COPS7B: variants seen among roughly 807,000 people sequenced by gnomAD.
The protein encoded by COPS7B is COP9 signalosome subunit 7B, also known as COP9 signalosome complex subunit 7b.
Under a neutral mutation model 33.4 loss-of-function variants are expected in COPS7B, and 9 were observed. The ratio of observed to expected loss-of-function variants is 0.27; its 90% confidence interval spans 0.16 to 0.47. COPS7B has a LOEUF of 0.47. Among genes scored for constraint, COPS7B ranks in the 20% least tolerant of loss-of-function variants. The pLI is 0.99. For missense variants in COPS7B, 242 were observed against 318.2 expected, an observed-to-expected ratio of 0.76 and a Z score of 1.82; for synonymous variants, 119 against 126.3, an observed-to-expected ratio of 0.94 and a Z score of 0.39.
At chr2:231,795,309 C>CATCTCA (rs2049536353) in intron 4 of COPS7B, among the ~76,000 whole-genome samples, 2 of 152,104 alleles carry the variant, frequency 1.3e-5, no homozygotes, top group South Asian at 4.1e-4. Flanking sequence ...GCGATCCTCC[C>CATCTCA]ATCTCAGCCT....
Position 231,798,925 on chromosome 2 carries a change from A to G in COPS7B, c.597A>G (p.Lys199=). 6.2e-7 allele frequency: 1 copy of G among 1,614,226 alleles called. No homozygotes were observed. Among genetic ancestry groups the G allele is most frequent in the Non-Finnish European group, 8.5e-7 (1 of 1,180,010 alleles). The change falls in exon 6 of 7, where the codon AAA becomes AAG. Residue 199 remains lysine, a synonymous_variant. Coordinates refer to ENST00000350033, the MANE Select transcript of COPS7B (RefSeq NM_022730.4). ...EQQVLRANQY[K]ENHNRTQQQV... ...AAGTTCTGAGAGCCAACCAGTACAA[A>G]GAGAACCACAACCGAACTCAGCAGC...
At chr2:231,801,152 C>G (rs1309209515) in intron 6 of COPS7B, 2 of 1,550,422 alleles carry the variant, frequency 1.3e-6, no homozygotes, top group South Asian at 2.4e-5. Context: ...TGCTTGTTTT[C>G]AGAGGGAAAA....
upstream of COPS7B, among the ~76,000 whole-genome samples, chr2:231,783,241 A>G (rs879873700): frequency 6.6e-6 from 1 of 152,190 alleles, no homozygotes; most frequent in Admixed American, 6.5e-5. Context: ...AGCCGTAGTG[A>G]GCATTCTTAC....
At chr2:231,797,082 T>C (rs1180889710) in intron 5 of COPS7B, among the ~76,000 whole-genome samples, 1 of 152,220 alleles carries the variant, frequency 6.6e-6, no homozygotes, top group Non-Finnish European at 1.5e-5. Flanking sequence ...AGAGTATACC[T>C]GGAGGTGAGG....
intron 2 of COPS7B, chr2:231,791,177 A>G (rs2049406807): frequency 6.5e-6 from 1 of 154,946 alleles, no homozygotes; most frequent in South Asian, 2.0e-4. Context: ...GTGAAGAGTA[A>G]GTAATTTTAA....
At chr2:231,806,408 C>T (rs143071774) in intron 6 of COPS7B, among the ~76,000 whole-genome samples, 267 of 152,080 alleles carry the variant, frequency 1.8e-3, no homozygotes, top group African/African-American at 6.1e-3. Context: ...TAAAAATTAG[C>T]CAGGCATGGT....
upstream of COPS7B, among the ~76,000 whole-genome samples, chr2:231,783,349 G>A (rs559329775): frequency 1.3e-5 from 2 of 152,296 alleles, no homozygotes; most frequent in African/African-American, 4.8e-5. Flanking sequence ...GACATTGCCA[G>A]TTTTTCAAAA....
At chr2:231,799,916 C>G (rs879665729) in intron 6 of COPS7B, among the ~76,000 whole-genome samples, 1 of 152,080 alleles carries the variant, frequency 6.6e-6, no homozygotes, top group Non-Finnish European at 1.5e-5. Context: ...AAACCTGTGT[C>G]CTATTTGTAA....
At position 231,807,519 on chromosome 2, in the gene COPS7B, C is replaced by G; in HGVS notation, c.669C>G (p.Thr223=). 8.7e-6 allele frequency: 14 copies of G among 1,613,572 alleles called. No individual in the cohort carries two copies. Among genetic ancestry groups the G allele is most frequent in the Non-Finnish European group, 1.2e-5 (14 of 1,179,770 alleles). Residue 223 remains threonine (T), a synonymous_variant, in exon 7 of 7, where the codon ACC becomes ACG. Transcript: ENST00000350033. ...ACATCAAGAAGACACTCAAAGCCAC[C>G]GCATCCTCCTCGGCTCAGGAGATGG... is the stretch of plus-strand genomic sequence containing the variant. ...VTNIKKTLKA[T]ASSSAQEMEQ... is the part of the protein sequence containing the mutation.
intron 2 of COPS7B, chr2:231,788,995 T>C (rs1397132757): frequency 2.8e-6 from 1 of 354,518 alleles, no homozygotes; most frequent in East Asian, 5.7e-5. Context: ...TCCTGATAAA[T>C]TAGAAAAGTA....
chr2:231,796,008 C>T (rs555258827), intron 4 of COPS7B, 98 bp from the exon 5 acceptor site: 7 of 966,060 alleles, frequency 7.2e-6, no homozygotes, highest in Admixed American at 4.1e-5. Flanking sequence ...CTGCGTTTCC[C>T]GAGCCTAGAG....
At chr2:231,799,771 G>A (rs1301327040) in intron 6 of COPS7B, among the ~76,000 whole-genome samples, 1 of 152,158 alleles carries the variant, frequency 6.6e-6, no homozygotes, top group African/African-American at 2.4e-5. Flanking sequence ...TGAAAATCAG[G>A]TGTCTAAGAG....
intron 6 of COPS7B, among the ~76,000 whole-genome samples, chr2:231,804,472 C>T (rs972294986): frequency 6.6e-6 from 1 of 152,146 alleles, no homozygotes; most frequent in South Asian, 2.1e-4. Context: ...TGGTCTCGAT[C>T]TCCTGACCTC....
rs570152613 is a variant in COPS7B at position 231,793,169 on chromosome 2, T to C, written c.239-1094T>C. Among the ~76,000 whole-genome samples the C allele has an allele frequency of 2.0e-5, 3 of 152,330 alleles. No individual in the cohort carries two copies. In the East Asian group the frequency reaches 5.8e-4, roughly 29 times the overall value. ...AAGTGGGAGTAACAATACAAGCCCA[T>C]TATTCCTTACCTACACTCCTCGAAG... On this transcript the variant is annotated intron_variant, in intron 3 of 6. Coordinates refer to ENST00000350033, the MANE Select transcript of COPS7B (RefSeq NM_022730.4).
intron 5 of COPS7B, among the ~76,000 whole-genome samples, chr2:231,798,623 G>C (rs906574896): frequency 6.6e-6 from 1 of 152,288 alleles, no homozygotes; most frequent in East Asian, 1.9e-4. Flanking sequence ...GAAAATTAAA[G>C]CTGTATTCTA....
At chr2:231,783,839 T>C (rs2049180428), upstream of COPS7B, among the ~76,000 whole-genome samples, 1 of 152,148 alleles carries the variant, frequency 6.6e-6, no homozygotes, top group South Asian at 2.1e-4. Flanking sequence ...TGGGATCAAG[T>C]GATCCTCCTG....
intron 6 of COPS7B, among the ~76,000 whole-genome samples, 172 bp downstream of exon 6, chr2:231,799,136 C>G (rs2049669157): frequency 6.6e-6 from 1 of 152,168 alleles, no homozygotes; most frequent in African/African-American, 2.4e-5. Context: ...GGCTCCTGCT[C>G]TTGGTGTTCT....
At chr2:231,782,951 C>T (rs1574644494), upstream of COPS7B, among the ~76,000 whole-genome samples, 1 of 152,284 alleles carries the variant, frequency 6.6e-6, no homozygotes, top group Admixed American at 6.5e-5. Flanking sequence ...TGCTCCCTCC[C>T]AATCAGTATT....
upstream of COPS7B, among the ~76,000 whole-genome samples, chr2:231,782,473 C>T (rs781687479): frequency 6.6e-6 from 1 of 152,192 alleles, no homozygotes; most frequent in Non-Finnish European, 1.5e-5. Context: ...CCTTGGAAAC[C>T]TCCTCTGTCC....
Sources: allele counts gnomAD v4.1 joint callset (sites outside exome capture counted in the v4.1 genomes callset), GRCh38; gene constraint gnomAD v4.1.1; transcripts MANE v1.5; gene names NCBI Gene and HGNC (gene_info 2026-07-23, HGNC 2026-07-21).